Variants in RALGAPA2 observed in about 807,000 individuals in gnomAD.
RALGAPA2 encodes the protein Ral GTPase activating protein catalytic subunit alpha 2.
A neutral mutation model predicts 230.4 loss-of-function variants in RALGAPA2; 139 were observed. The ratio of observed to expected loss-of-function variants is 0.60; its 90% CI spans 0.53 to 0.69. RALGAPA2 has a LOEUF of 0.69. Among genes scored for constraint, RALGAPA2 ranks in the 30% least tolerant of loss-of-function variants. The pLI is 0.00. For missense variants in RALGAPA2, 2,163 were observed against 2,276.0 expected, an observed-to-expected ratio of 0.95 and a Z score of 1.01; for synonymous variants, 847 against 837.8, an observed-to-expected ratio of 1.01 and a Z score of -0.19.
chr20:20,670,262 A>C (rs2068090662), intron 3 of RALGAPA2, among the ~76,000 whole-genome samples: 1 of 152,272 alleles, frequency 6.6e-6, no homozygotes, highest in African/African-American at 2.4e-5. Flanking sequence ...TAGACAGCCT[A>C]TGGAATACAG....
chr20:20,635,685 G>T, intron 8 of RALGAPA2, 68 bp from the exon 9 acceptor site: 1 of 1,327,678 alleles, frequency 7.5e-7, no homozygotes, highest in Non-Finnish European at 1.0e-6. Flanking sequence ...CCCTACAAAT[G>T]TTTTGGTTTC....
intron 36 of RALGAPA2, among the ~76,000 whole-genome samples, chr20:20,479,359 A>T (rs976711207): frequency 1.3e-5 from 2 of 152,180 alleles, no homozygotes; most frequent in African/African-American, 4.8e-5. Flanking sequence ...TGAGGGGCCA[A>T]TCTCACTTAT....
At chr20:20,433,952 T>C (rs760269228) in intron 37 of RALGAPA2, among the ~76,000 whole-genome samples, 2 of 152,336 alleles carry the variant, frequency 1.3e-5, no homozygotes, top group Non-Finnish European at 1.5e-5. Context: ...AACAGCCATG[T>C]AGATGAAGGT....
intron 23 of RALGAPA2, among the ~76,000 whole-genome samples, chr20:20,557,718 C>A (rs1052861655): frequency 6.6e-6 from 1 of 152,176 alleles, no homozygotes; most frequent in African/African-American, 2.4e-5. Flanking sequence ...ACGGAAAACA[C>A]AACACTACTG....
At chr20:20,445,650 C>G (rs1338736434) in intron 37 of RALGAPA2, among the ~76,000 whole-genome samples, 1 of 152,224 alleles carries the variant, frequency 6.6e-6, no homozygotes, top group Admixed American at 6.5e-5. Flanking sequence ...ATAGCATAGC[C>G]TCCAAACAGT....
intron 37 of RALGAPA2, among the ~76,000 whole-genome samples, chr20:20,412,888 G>A (rs1413126870): frequency 7.2e-5 from 11 of 152,204 alleles, no homozygotes; most frequent in Admixed American, 3.9e-4. Flanking sequence ...GGACCCCTGC[G>A]TGTGGCAGGC....
rs746860363 is a variant in RALGAPA2, at chr20:20,591,248, T to C, written c.2270A>G (p.Gln757Arg). 9 of 1,613,994 alleles carry C rather than the reference T, an allele frequency of 5.6e-6. No individual in the cohort carries two copies. In the Admixed American group the frequency reaches 1.5e-4, roughly 27 times the overall value. ...GCTGCTCCGAAGGACCTGCTGCTGC[T>C]GTCCCACTGTGAGATGGCCAGATCC... Reference protein sequence around the residue: ...AAGSGHLTVGQQQQVLRSSST... With the variant: ...AAGSGHLTVGRQQQVLRSSST... The change falls in exon 17 of 40, where the codon CAG (glutamine) becomes CGG (arginine). Residue 757 changes from glutamine to arginine, a missense_variant. Coordinates refer to ENST00000202677, the MANE Select transcript of RALGAPA2 (RefSeq NM_020343.4).
At chr20:20,685,258 A>G (rs1046647613) in intron 1 of RALGAPA2, among the ~76,000 whole-genome samples, 21 of 152,196 alleles carry the variant, frequency 1.4e-4, no homozygotes, top group African/African-American at 5.1e-4. Context: ...TTCAAAGAGA[A>G]TAAGACCCGA....
At chr20:20,669,160 C>T (rs1165721516) in intron 3 of RALGAPA2, among the ~76,000 whole-genome samples, 2 of 152,068 alleles carry the variant, frequency 1.3e-5, no homozygotes, top group Non-Finnish European at 2.9e-5. Context: ...CCTCTTGTGT[C>T]GATGTATTTT....
intron 37 of RALGAPA2, among the ~76,000 whole-genome samples, chr20:20,414,561 A>G (rs145312070): frequency 6.6e-6 from 1 of 152,258 alleles, no homozygotes; most frequent in Non-Finnish European, 1.5e-5. Context: ...GGATGGCACT[A>G]TCATAAGCTT....
chr20:20,483,718 T>C (rs1263386978), intron 36 of RALGAPA2, among the ~76,000 whole-genome samples: 1 of 152,200 alleles, frequency 6.6e-6, no homozygotes, highest in East Asian at 1.9e-4. Flanking sequence ...GGCATTTCAT[T>C]AGAACTACAA....
At chr20:20,692,939 A>G (rs1420243019) in intron 1 of RALGAPA2, among the ~76,000 whole-genome samples, 2 of 152,232 alleles carry the variant, frequency 1.3e-5, no homozygotes, top group Admixed American at 6.5e-5. Context: ...TGTTACTTAC[A>G]ACCAAAAATA....
Position 20,680,758 on chromosome 20 carries a change from G to T in RALGAPA2, c.150C>A (p.Asn50Lys), listed in dbSNP as rs931417635. The T allele has an allele frequency of 6.3e-7, 1 of 1,587,348 alleles. No homozygotes were observed. ...ANDLKQFFET[N>K]YSQIYFIFYE... ...AGAAGATGAAATATATCTGAGAATA[G>T]TTGGTCTCAAAAAACTGCTTAAGAT... Residue 50 changes from asparagine (N) to lysine (K), a missense_variant, in exon 2 of 40, where the codon AAC (asparagine) becomes AAA (lysine). Physicochemically the swap from Asn to Lys is moderately conservative, Grantham distance 94 (BLOSUM62 0). Transcript: ENST00000202677.
intron 3 of RALGAPA2, among the ~76,000 whole-genome samples, chr20:20,655,129 A>G (rs1036659959): frequency 6.6e-6 from 1 of 152,220 alleles, no homozygotes; most frequent in Non-Finnish European, 1.5e-5. Flanking sequence ...TTACTACACG[A>G]TAATTCTGAC....
At chr20:20,519,370 T>C (rs899791651) in intron 31 of RALGAPA2, among the ~76,000 whole-genome samples, 1 of 152,180 alleles carries the variant, frequency 6.6e-6, no homozygotes, top group African/African-American at 2.4e-5. Context: ...TGCTCCAGAC[T>C]CTGTAGTGCT....
At chr20:20,615,359 A>G (rs532644675) in intron 13 of RALGAPA2, among the ~76,000 whole-genome samples, 1 of 152,126 alleles carries the variant, frequency 6.6e-6, no homozygotes, top group East Asian at 1.9e-4. Flanking sequence ...ATGGGGTTTC[A>G]CCATGTTAGG....
intron 3 of RALGAPA2, among the ~76,000 whole-genome samples, chr20:20,663,658 C>A (rs1349506786): frequency 6.6e-6 from 1 of 152,144 alleles, no homozygotes; most frequent in Admixed American, 6.5e-5. Flanking sequence ...GTGGCGCGAT[C>A]TCAGCTCACT....
At chr20:20,651,359 T>C (rs546211501) in intron 4 of RALGAPA2, among the ~76,000 whole-genome samples, 1 of 152,356 alleles carries the variant, frequency 6.6e-6, no homozygotes, top group East Asian at 1.9e-4. Flanking sequence ...GTAATAAATG[T>C]GGATTATTTT....
At chr20:20,598,745 G>A in intron 16 of RALGAPA2, 1 of 456,490 alleles carries the variant, frequency 2.2e-6, no homozygotes, top group South Asian at 1.6e-5. Context: ...GTGTGAAGGA[G>A]GAGCGGGACG....
Sources: gnomAD v4.1 joint callset for allele counts (sites outside exome capture counted in the v4.1 genomes callset) on GRCh38, gnomAD v4.1.1 for gene constraint, MANE v1.5 for transcripts, NCBI Gene and HGNC (gene_info 2026-07-23, HGNC 2026-07-21) for gene names.